The following XYLT1 variants were observed in gnomAD, a reference collection of about 807,000 sequenced individuals.
The protein encoded by XYLT1 is beta-D-xylosyltransferase 1.
Under a neutral mutation model 91.3 loss-of-function variants are expected in XYLT1, and 36 were observed. That is an observed-to-expected ratio of 0.39 (90% CI 0.30 to 0.52). The LOEUF (loss-of-function observed/expected upper bound fraction) is 0.52. Among genes scored for constraint, XYLT1 ranks in the 20% least tolerant of loss-of-function variants. The pLI, the probability that XYLT1 is intolerant of heterozygous loss-of-function variation, is 0.68. For synonymous variants in XYLT1, 588 were observed against 532.0 expected, an observed-to-expected ratio of 1.11 and a Z score of -1.45; for missense variants, 1,242 against 1,284.5, an observed-to-expected ratio of 0.97 and a Z score of 0.51.
At chr16:17,215,720 T>A (rs928080966) in intron 3 of XYLT1, among the ~76,000 whole-genome samples, 8 of 151,844 alleles carry the variant, frequency 5.3e-5, no homozygotes, top group African/African-American at 1.7e-4. Context: ...GGGAAAAGTG[T>A]CCCTAAGTGG....
chr16:17,391,753 G>A (rs1412086189), intron 1 of XYLT1, among the ~76,000 whole-genome samples: 1 of 152,156 alleles, frequency 6.6e-6, no homozygotes, highest in African/African-American at 2.4e-5. Context: ...ATTCCCACAT[G>A]TGGTGGGAGG....
intron 2 of XYLT1, among the ~76,000 whole-genome samples, chr16:17,317,284 C>T (rs142266750): frequency 1.2e-3 from 189 of 152,174 alleles, no homozygotes; most frequent in African/African-American, 4.4e-3. Flanking sequence ...ACATTCTTGA[C>T]GGATGCCCTG....
At chr16:17,324,834 G>A (rs769604090) in intron 2 of XYLT1, among the ~76,000 whole-genome samples, 85 of 150,904 alleles carry the variant, frequency 5.6e-4, no homozygotes, top group Non-Finnish European at 3.4e-4. Context: ...ATTTTATTTC[G>A]GAATAATGAT....
At chr16:17,181,561 G>T (rs1301842456) in intron 5 of XYLT1, among the ~76,000 whole-genome samples, 1 of 152,100 alleles carries the variant, frequency 6.6e-6, no homozygotes, top group Non-Finnish European at 1.5e-5. Flanking sequence ...AATCCTATGA[G>T]GAAAGTACCC....
At chr16:17,284,945 C>T (rs1297123540) in intron 2 of XYLT1, among the ~76,000 whole-genome samples, 3 of 151,966 alleles carry the variant, frequency 2.0e-5, no homozygotes, top group African/African-American at 4.8e-5. Flanking sequence ...GAGAGAAGTC[C>T]GTATCTCATT....
chr16:17,423,618 C>CTT (rs576489897), intron 1 of XYLT1, among the ~76,000 whole-genome samples: 1 of 148,618 alleles, frequency 6.7e-6, no homozygotes, highest in African/African-American at 2.5e-5. Flanking sequence ...TCTTTTTTCT[C>CTT]TTTTTTTTTT....
At chr16:17,373,725 G>C (rs2035564047) in intron 1 of XYLT1, among the ~76,000 whole-genome samples, 1 of 152,248 alleles carries the variant, frequency 6.6e-6, no homozygotes, top group Non-Finnish European at 1.5e-5. Context: ...CCTGGGCTCA[G>C]AGAGGTTATG....
chr16:17,456,332 CTTTTTTTT>C (rs869026409), intron 1 of XYLT1, among the ~76,000 whole-genome samples: 1 of 114,176 alleles, frequency 8.8e-6, no homozygotes, highest in Admixed American at 9.2e-5. Flanking sequence ...CAGTACAAAC[CTTTTTTTT>C]TTTTTTTTTT....
At chr16:17,320,163 T>C (rs1233514056) in intron 2 of XYLT1, among the ~76,000 whole-genome samples, 2 of 152,192 alleles carry the variant, frequency 1.3e-5, no homozygotes, top group African/African-American at 4.8e-5. Context: ...TTGTTTCCTG[T>C]CTCTTTCTTC....
At chr16:17,176,360 C>T (rs1056298944) in intron 5 of XYLT1, among the ~76,000 whole-genome samples, 3 of 152,242 alleles carry the variant, frequency 2.0e-5, no homozygotes, top group Admixed American at 6.5e-5. Context: ...TTCACAGCTT[C>T]ATCCTTACAG....
chr16:17,213,620 T>C (rs1266877687), intron 3 of XYLT1, among the ~76,000 whole-genome samples: 1 of 152,024 alleles, frequency 6.6e-6, no homozygotes, highest in East Asian at 1.9e-4. Flanking sequence ...ACCTTTCTTT[T>C]CTTTTCTTTT....
In XYLT1 at chr16:17,198,396, G is replaced by A. The variant is rs376183392; in HGVS notation, c.1105C>T (p.Arg369Trp). 9.3e-6 allele frequency: 15 copies of A among 1,614,108 alleles called. No individual in the cohort carries two copies. Among genetic ancestry groups the A allele is most frequent in the African/African-American group, 6.7e-5 (5 of 75,040 alleles). Residue 369 changes from arginine (R) to tryptophan (W), a missense_variant, in exon 5 of 12, where the codon CGG (arginine) becomes TGG (tryptophan). Arg to Trp is a moderately radical substitution (Grantham distance 101). Around this residue, in one of 3 missense-constraint regions of XYLT1, gnomAD observed 294 missense variants for 376.0 expected, o/e 0.78. Transcript: ENST00000261381. ...HVDKRSNYLHRQVLQVSRQYS... is the reference protein window; with the variant it reads ...HVDKRSNYLHWQVLQVSRQYS... ...TGCCTGGAGACCTGGAGCACTTGCC[G>A]ATGCAGGTAATTAGAGCGCTTTTCC...
intron 3 of XYLT1, among the ~76,000 whole-genome samples, chr16:17,212,399 C>T (rs1308744143): frequency 2.0e-5 from 3 of 152,090 alleles, no homozygotes; most frequent in Non-Finnish European, 4.4e-5. Flanking sequence ...TTTGAAACTC[C>T]CCCTGTGATT....
At chr16:17,219,547 C>T (rs1408396261) in intron 3 of XYLT1, among the ~76,000 whole-genome samples, 1 of 152,200 alleles carries the variant, frequency 6.6e-6, no homozygotes, top group African/African-American at 2.4e-5. Flanking sequence ...GCAGGTCACT[C>T]TTCGACCTAC....
intron 1 of XYLT1, among the ~76,000 whole-genome samples, chr16:17,418,623 A>G (rs947593510): frequency 1.3e-5 from 2 of 152,092 alleles, no homozygotes; most frequent in East Asian, 3.9e-4. Flanking sequence ...TAAGGTGGGT[A>G]GACTGCTTGA....
intron 1 of XYLT1, among the ~76,000 whole-genome samples, chr16:17,361,967 A>T (rs950483835): frequency 6.6e-6 from 1 of 152,200 alleles, no homozygotes. Flanking sequence ...TAAGAGGTAG[A>T]TACTATCATT....
At chr16:17,314,302 A>G (rs990568383) in intron 2 of XYLT1, among the ~76,000 whole-genome samples, 1 of 152,070 alleles carries the variant, frequency 6.6e-6, no homozygotes, top group African/African-American at 2.4e-5. Flanking sequence ...CCCCAGGCCC[A>G]CTCATCACCC....
chr16:17,461,393 G>A (rs531167367), intron 1 of XYLT1, among the ~76,000 whole-genome samples: 9 of 152,318 alleles, frequency 5.9e-5, no homozygotes, highest in South Asian at 4.1e-4. Flanking sequence ...TTATCAGCAC[G>A]GGCTCTAACT....
chr16:17,206,514 C>T (rs1185949590), intron 3 of XYLT1, among the ~76,000 whole-genome samples: 1 of 152,068 alleles, frequency 6.6e-6, no homozygotes, highest in Non-Finnish European at 1.5e-5. Context: ...CAATTTCTTT[C>T]CTTGGTCCTG....
Sources: allele counts gnomAD v4.1 joint callset (sites outside exome capture counted in the v4.1 genomes callset), GRCh38; gene constraint gnomAD v4.1.1; regional missense constraint gnomAD v4.1.1; transcripts MANE v1.5; gene names NCBI Gene and HGNC (gene_info 2026-07-23, HGNC 2026-07-21).